The following LRRTM4 variants were observed in gnomAD, a reference collection of about 807,000 sequenced individuals.
LRRTM4 encodes the protein leucine rich repeat transmembrane neuronal 4.
Under a neutral mutation model 47.6 loss-of-function variants are expected in LRRTM4, and 25 were observed. The ratio of observed to expected loss-of-function variants is 0.53; its 90% CI spans 0.38 to 0.73. The LOEUF (loss-of-function observed/expected upper bound fraction) is 0.73, where lower values mean the gene tolerates loss of function less well. Ranked by LOEUF, LRRTM4 falls within the 30% of genes least tolerant of loss-of-function variation. LRRTM4 has a pLI of 0.00. For missense variants in LRRTM4, 638 were observed against 713.4 expected (o/e 0.89, Z 1.20); for synonymous variants, 311 against 269.5 (o/e 1.15, Z -1.51).
chr2:77,434,329 T>C (rs540423756), intron 3 of LRRTM4, among the ~76,000 whole-genome samples: 2 of 151,866 alleles, frequency 1.3e-5, no homozygotes, highest in South Asian at 4.2e-4. Flanking sequence ...CTGCAAAAGA[T>C]ACCAAAACAG....
intron 3 of LRRTM4, among the ~76,000 whole-genome samples, chr2:76,858,938 A>G (rs916673446): frequency 1.3e-5 from 2 of 152,146 alleles, no homozygotes; most frequent in African/African-American, 4.8e-5. Flanking sequence ...ATCTCCATCC[A>G]GGTGTCTGGA....
At position 76,927,845 on chromosome 2, in the gene LRRTM4, G is replaced by A. The variant is rs188152687; in HGVS notation, c.1552-178929C>T. Among the ~76,000 whole-genome samples, 216 of 152,170 alleles carry A rather than the reference G, an allele frequency of 1.4e-3. 1 individual carries two copies. The highest frequency in any genetic ancestry group is 5.1e-3 in the African/African-American group (211 of 41,544). On this transcript the variant is annotated intron_variant, in intron 3 of 3. Transcript: ENST00000409884. ...AGACAGGAGACAATGCAGTTAAGCA[G>A]GTAAAAAGAGGTAAAAATGATGTCA... is the stretch of plus-strand genomic sequence containing the variant.
chr2:76,812,072 T>A (rs772893053), intron 3 of LRRTM4, among the ~76,000 whole-genome samples: 1 of 152,150 alleles, frequency 6.6e-6, no homozygotes, highest in Non-Finnish European at 1.5e-5. Context: ...TAACTTATAC[T>A]CCTTTTGATA....
intron 3 of LRRTM4, among the ~76,000 whole-genome samples, chr2:77,082,283 A>G (rs1012033278): frequency 1.3e-5 from 2 of 152,006 alleles, no homozygotes; most frequent in South Asian, 2.1e-4. Context: ...TAATTCACGA[A>G]CAATTTTTTT....
intron 3 of LRRTM4, among the ~76,000 whole-genome samples, chr2:77,012,976 G>A (rs961860070): frequency 6.6e-6 from 1 of 152,222 alleles, no homozygotes; most frequent in Admixed American, 6.5e-5. Context: ...AGATGTTCAA[G>A]AGGTATAATT....
In LRRTM4 at chr2:77,518,305, T is replaced by A; in HGVS notation, c.1551+13A>T. 6.3e-7 allele frequency: 1 copy of A among 1,586,266 alleles called. No individual in the cohort carries two copies. The highest frequency in any genetic ancestry group is 1.1e-5 in the South Asian group (1 of 87,222). On this transcript the variant is annotated intron_variant, in intron 3 of 3. Transcript: ENST00000409884. ...CGCAGTAGAAATGCTTTTAGGAGGA[T>A]CATGGTTCATACCTCACATTCCCTG...
chr2:77,050,057 C>T (rs998849231), intron 3 of LRRTM4, among the ~76,000 whole-genome samples: 11 of 150,988 alleles, frequency 7.3e-5, no homozygotes, highest in Non-Finnish European at 1.3e-4. Context: ...AACACTTGTC[C>T]TTTGGAGCAG....
chr2:77,420,124 T>C (rs1427681959), intron 3 of LRRTM4, among the ~76,000 whole-genome samples: 1 of 152,164 alleles, frequency 6.6e-6, no homozygotes, highest in East Asian at 1.9e-4. Flanking sequence ...GTTGGCAGGA[T>C]TCAGTTCTTT....
At position 77,459,257 on chromosome 2, in the gene LRRTM4, TGTG is replaced by T. The variant is rs1322938567; in HGVS notation, c.1551+59058_1551+59060del. On this transcript the variant is annotated intron_variant, in intron 3 of 3. Coordinates refer to ENST00000409884, the MANE Select transcript of LRRTM4 (RefSeq NM_001134745.3). ...CAGGTTTTTACTTAACTTTTGTTAT[TGTG>T]CTATTGAGCTATGGATCACTTCAGG... Among the ~76,000 whole-genome samples the T allele has an allele frequency of 2.4e-4, 37 of 152,234 alleles. No individual in the cohort carries two copies. The East Asian group carries it at 7.1e-3, about 29-fold the overall frequency.
rs185279314 is a variant in LRRTM4, at chr2:76,813,440, A to G, written c.1552-64524T>C. Among the ~76,000 whole-genome samples the G allele has an allele frequency of 4.5e-3, 683 of 152,238 alleles. 4 individuals carry two copies. The highest frequency in any genetic ancestry group is 0.016 in the African/African-American group (649 of 41,552). ...ATATAAAAGCCCAAGTCTGAAGACA[A>G]TTTCATGACAGGAGATCCCCAAGAC... On this transcript the variant is annotated intron_variant, in intron 3 of 3. Transcript: ENST00000409884.
chr2:76,925,983 C>A (rs920502337), intron 3 of LRRTM4, among the ~76,000 whole-genome samples: 2 of 152,076 alleles, frequency 1.3e-5, no homozygotes, highest in African/African-American at 2.4e-5. Context: ...CTTGTAAGTT[C>A]TTTGAGGATA....
At chr2:76,899,548 G>T (rs1673549727) in intron 3 of LRRTM4, among the ~76,000 whole-genome samples, 1 of 151,970 alleles carries the variant, frequency 6.6e-6, no homozygotes, top group Non-Finnish European at 1.5e-5. Context: ...CCTACATGAA[G>T]GCAATAGCTA....
chr2:77,277,311 TAA>T (rs1406664151), intron 3 of LRRTM4, among the ~76,000 whole-genome samples: 1 of 137,642 alleles, frequency 7.3e-6, no homozygotes, highest in African/African-American at 3.6e-5. Context: ...TAGTTCAGTA[TAA>T]GTTTTAACTA....
intron 3 of LRRTM4, among the ~76,000 whole-genome samples, chr2:76,984,141 T>A (rs748901156): frequency 6.7e-6 from 1 of 149,522 alleles, no homozygotes; most frequent in African/African-American, 2.6e-5. Flanking sequence ...TTTAAAAAAA[T>A]AGACACACAA....
chr2:77,068,362 T>G (rs1680031750), intron 3 of LRRTM4, among the ~76,000 whole-genome samples: 1 of 152,174 alleles, frequency 6.6e-6, no homozygotes, highest in Non-Finnish European at 1.5e-5. Flanking sequence ...TAAGTGGTTT[T>G]TAGTCTCTTC....
intron 3 of LRRTM4, among the ~76,000 whole-genome samples, chr2:77,487,577 G>C (rs1307790152): frequency 6.6e-6 from 1 of 152,166 alleles, no homozygotes; most frequent in Non-Finnish European, 1.5e-5. Flanking sequence ...GGGTGCCATG[G>C]ATGGTGGGTT....
At chr2:77,093,150 A>T (rs1042871794) in intron 3 of LRRTM4, among the ~76,000 whole-genome samples, 1 of 147,152 alleles carries the variant, frequency 6.8e-6, no homozygotes, top group Non-Finnish European at 1.5e-5. Context: ...GTTCTCAACT[A>T]CTCATACATG....
chr2:76,917,223 C>A (rs939461334), intron 3 of LRRTM4, among the ~76,000 whole-genome samples: 1 of 152,172 alleles, frequency 6.6e-6, no homozygotes, highest in Non-Finnish European at 1.5e-5. Context: ...TGTTTTAAAT[C>A]TTGGTTTACA....
intron 3 of LRRTM4, among the ~76,000 whole-genome samples, chr2:76,884,990 A>C (rs1054393001): frequency 2.0e-5 from 3 of 152,114 alleles, no homozygotes; most frequent in Non-Finnish European, 4.4e-5. Flanking sequence ...GCAGAATTGC[A>C]TTATATAAAG....
Sources: allele counts gnomAD v4.1 joint callset (sites outside exome capture counted in the v4.1 genomes callset), GRCh38; gene constraint gnomAD v4.1.1; transcripts MANE v1.5; gene names NCBI Gene and HGNC (gene_info 2026-07-23, HGNC 2026-07-21).